RPS6KA5: variants seen among roughly 807,000 people sequenced by gnomAD.
RPS6KA5 encodes the protein ribosomal protein S6 kinase A5.
A neutral mutation model predicts 85.5 loss-of-function variants in RPS6KA5; 27 were observed. The ratio of observed to expected loss-of-function variants is 0.32; its 90% CI spans 0.23 to 0.44. RPS6KA5 has a LOEUF of 0.44. Ranked by LOEUF, RPS6KA5 falls within the 20% of genes least tolerant of loss-of-function variation. The probability of loss-of-function intolerance (pLI) is 1.00; values close to 1 mark genes in which losing one functional copy is unlikely to be tolerated. For synonymous variants in RPS6KA5, 334 were observed against 348.2 expected (o/e 0.96, Z 0.46); for missense variants, 811 against 980.9 (o/e 0.83, Z 2.31).
chr14:90,940,775 C>T (rs1170380266), intron 5 of RPS6KA5, among the ~76,000 whole-genome samples: 2 of 152,204 alleles, frequency 1.3e-5, no homozygotes, highest in Admixed American at 6.5e-5. Flanking sequence ...CAAGCATTGC[C>T]ACCTGAGCTC....
intron 3 of RPS6KA5, among the ~76,000 whole-genome samples, chr14:90,953,811 G>T (rs1267664854): frequency 6.6e-6 from 1 of 152,130 alleles, no homozygotes; most frequent in African/African-American, 2.4e-5. Context: ...TAAATTTGTG[G>T]TCAGACCGGT....
intron 1 of RPS6KA5, among the ~76,000 whole-genome samples, chr14:91,051,652 T>G (rs2139947581): frequency 6.6e-6 from 1 of 152,146 alleles, no homozygotes; most frequent in Non-Finnish European, 1.5e-5. Context: ...CGTGCCCAGC[T>G]AAGTTTTTGT....
At chr14:90,884,346 C>A (rs998672452) in intron 14 of RPS6KA5, among the ~76,000 whole-genome samples, 1 of 152,112 alleles carries the variant, frequency 6.6e-6, no homozygotes, top group Non-Finnish European at 1.5e-5. Flanking sequence ...ACTTTCTGAG[C>A]GCCAACATGC....
chr14:90,898,268 GAC>G (rs2034953445), intron 12 of RPS6KA5, among the ~76,000 whole-genome samples: 1 of 152,146 alleles, frequency 6.6e-6, no homozygotes, highest in South Asian at 2.1e-4. Flanking sequence ...GACTGAATAA[GAC>G]AATACATGCA....
intron 3 of RPS6KA5, among the ~76,000 whole-genome samples, chr14:90,964,944 C>A (rs1164182067): frequency 2.2e-4 from 31 of 138,750 alleles, no homozygotes; most frequent in Non-Finnish European, 3.5e-4. Flanking sequence ...AACCAAAAAA[C>A]CAAAACAAAC....
At chr14:91,010,091 A>C (rs564174662) in intron 1 of RPS6KA5, among the ~76,000 whole-genome samples, 1 of 152,096 alleles carries the variant, frequency 6.6e-6, no homozygotes, top group African/African-American at 2.4e-5. Context: ...AAAAAGCCAG[A>C]TTTCAAAAAG....
Position 90,856,719 on chromosome 14 carries a change from T to G in RPS6KA5, c.*15355A>C, listed in dbSNP as rs1244130060. 3 of 152,248 alleles carry G rather than the reference T, an allele frequency of 2.0e-5. No homozygotes were observed. Among genetic ancestry groups the G allele is most frequent in the Non-Finnish European group, 4.4e-5 (3 of 68,102 alleles). 9.4% of individuals were successfully genotyped at this position (152,248 alleles called of 1,614,324 possible). The stretch of plus-strand genomic sequence containing the variant: ...TTCATTTTAAGTGTACCATTCATTG[T>G]TTTTTACTACATTTACAATGTCTTG... On this transcript the variant is annotated 3_prime_UTR_variant, in exon 17 of 17. Transcript: ENST00000614987.
At chr14:90,978,719 T>C (rs1566818931) in intron 2 of RPS6KA5, among the ~76,000 whole-genome samples, 195 bp from the exon 3 acceptor site, 3 of 152,190 alleles carry the variant, frequency 2.0e-5, no homozygotes, top group Admixed American at 2.0e-4. Context: ...TAACCCTTAA[T>C]GTTTACATAT....
At chr14:91,026,013 G>T (rs1336859818) in intron 1 of RPS6KA5, among the ~76,000 whole-genome samples, 3 of 152,058 alleles carry the variant, frequency 2.0e-5, no homozygotes, top group Non-Finnish European at 4.4e-5. Context: ...CTGTCTATCA[G>T]TATCTATTGT....
intron 1 of RPS6KA5, among the ~76,000 whole-genome samples, chr14:91,059,421 C>T (rs115223525): frequency 0.012 from 1,739 of 151,046 alleles, 17 homozygotes; most frequent in South Asian, 0.032. Flanking sequence ...CTAGTAATAA[C>T]GAACGACTCA....
Position 90,892,936 on chromosome 14 carries a change from T to C in RPS6KA5, c.1644+1477A>G, listed in dbSNP as rs1595143272. Among the ~76,000 whole-genome samples, 5 of 152,200 alleles carry C rather than the reference T, an allele frequency of 3.3e-5. 1 individual carries two copies. The highest frequency in any genetic ancestry group is 2.6e-4 in the Admixed American group (4 of 15,288). ...AGTTCTGCCCCATTTCAAGTGAGTA[T>C]TTGAAAGAAAAGCCTTATAACAAAT... On this transcript the variant is annotated intron_variant, in intron 13 of 16. Coordinates refer to ENST00000614987, the MANE Select transcript of RPS6KA5 (RefSeq NM_004755.4).
chr14:90,987,034 A>G (rs1486584478), intron 2 of RPS6KA5, among the ~76,000 whole-genome samples: 1 of 152,258 alleles, frequency 6.6e-6, no homozygotes, highest in Non-Finnish European at 1.5e-5. Flanking sequence ...CACTAGAGAG[A>G]CAATGTCATT....
intron 5 of RPS6KA5, among the ~76,000 whole-genome samples, chr14:90,934,786 G>A (rs909526365): frequency 1.3e-5 from 2 of 152,114 alleles, no homozygotes; most frequent in African/African-American, 4.8e-5. Flanking sequence ...ACCTTTGGAG[G>A]GGAATCAAAG....
At chr14:91,029,899 C>A (rs1470239433) in intron 1 of RPS6KA5, among the ~76,000 whole-genome samples, 1 of 152,120 alleles carries the variant, frequency 6.6e-6, no homozygotes, top group Non-Finnish European at 1.5e-5. Context: ...TCCATACCCC[C>A]AAACATAAAG....
chr14:90,994,270 A>G (rs1409105575), intron 2 of RPS6KA5, among the ~76,000 whole-genome samples: 1 of 151,956 alleles, frequency 6.6e-6, no homozygotes, highest in African/African-American at 2.4e-5. Context: ...CCAATCCACA[A>G]TAATTTTCTC....
chr14:90,880,948 C>T (rs2033798392), intron 14 of RPS6KA5, among the ~76,000 whole-genome samples: 1 of 151,698 alleles, frequency 6.6e-6, no homozygotes, highest in Admixed American at 6.6e-5. Flanking sequence ...GATCCTTCCA[C>T]CTCAGCCTTC....
At position 90,849,077 on chromosome 14, in the gene RPS6KA5, C is replaced by A. The variant is rs2031855250; in HGVS notation, c.*22997G>T. ...AAAGGAAAAAGATGCAAGCAAATTT[C>A]TGCAAATAGAAGCGTTCACCCCACA... On this transcript the variant is annotated 3_prime_UTR_variant, in exon 17 of 17. Transcript: ENST00000614987. 6.6e-6 allele frequency: 1 copy of A among 152,184 alleles called. No individual in the cohort carries two copies. Among genetic ancestry groups the A allele is most frequent in the African/African-American group, 2.4e-5 (1 of 41,444 alleles). The allele number at this position is 152,184 out of a possible 1,614,324, so 9.4% of individuals were successfully genotyped here.
At chr14:90,875,630 T>C (rs2033410599) in intron 14 of RPS6KA5, among the ~76,000 whole-genome samples, 1 of 151,826 alleles carries the variant, frequency 6.6e-6, no homozygotes. Flanking sequence ...CTATTCACAA[T>C]AGCAAAGACT....
chr14:90,894,730 A>G lies in RPS6KA5; in HGVS notation c.1474-147T>C, dbSNP rs976191384. ...ATGGCAATCCTCATATCTTAGAGAA[A>G]AGGGCTGAAAGATAATGTAGCTGTT... On this transcript the variant is annotated intron_variant, in intron 12 of 16. Transcript: ENST00000614987. The G allele has an allele frequency of 7.0e-6, 7 of 1,004,518 alleles. No individual in the cohort carries two copies. In the African/African-American group the frequency reaches 1.1e-4, roughly 16 times the overall value. The allele number at this position is 1,004,518 out of a possible 1,614,324, so 62.2% of individuals were successfully genotyped here.
Sources: allele counts gnomAD v4.1 joint callset (sites outside exome capture counted in the v4.1 genomes callset), GRCh38; gene constraint gnomAD v4.1.1; transcripts MANE v1.5; gene names NCBI Gene and HGNC (gene_info 2026-07-23, HGNC 2026-07-21).